Variants in RTTN observed in about 807,000 individuals in gnomAD.
The protein encoded by RTTN is rotatin.
A neutral mutation model predicts 269.2 loss-of-function variants in RTTN; 182 were observed. The observed-to-expected ratio is 0.68, with a 90% CI of 0.60 to 0.76. The LOEUF is 0.76. Ranked by LOEUF, RTTN falls within the 30% of genes least tolerant of loss-of-function variation. The pLI is 0.00. For missense variants in RTTN, 2,545 were observed against 2,608.6 expected (o/e 0.98, Z 0.53); for synonymous variants, 1,006 against 963.5 (o/e 1.04, Z -0.82).
intron 11 of RTTN, among the ~76,000 whole-genome samples, chr18:70,171,813 G>C (rs978662893): frequency 6.6e-6 from 1 of 152,174 alleles, no homozygotes; most frequent in Non-Finnish European, 1.5e-5. Flanking sequence ...CCGGCTCTCA[G>C]GCCCTACCCT....
At chr18:70,107,023 T>A (rs2059338238) in intron 28 of RTTN, among the ~76,000 whole-genome samples, 1 of 152,184 alleles carries the variant, frequency 6.6e-6, no homozygotes, top group African/African-American at 2.4e-5. Context: ...ATTACCTACA[T>A]AAACAGCAAA....
chr18:70,092,960 A>G (rs568538035), intron 28 of RTTN, among the ~76,000 whole-genome samples, 156 bp from the exon 29 acceptor site: 1 of 152,324 alleles, frequency 6.6e-6, no homozygotes, highest in African/African-American at 2.4e-5. Flanking sequence ...TAAGATGGTA[A>G]ATTTTATGTT....
At chr18:70,187,684 C>A (rs1256954502) in intron 10 of RTTN, among the ~76,000 whole-genome samples, 1 of 152,160 alleles carries the variant, frequency 6.6e-6, no homozygotes, top group Non-Finnish European at 1.5e-5. Flanking sequence ...TGTTCTGAAA[C>A]TATCTTATGT....
In RTTN at chr18:70,020,754, G is replaced by C; in HGVS notation, c.6014C>G (p.Ala2005Gly). ...ACACAGCATCAGAGAGTTGCTCACG[G>C]CTCCTCTATGTGTAGCTTGAACAGG... is the stretch of plus-strand genomic sequence containing the variant. ...QHPVQATHRG[A>G]VSNSLMLCIL... is the part of the protein sequence containing the mutation. The change falls in exon 45 of 49, where the codon GCC becomes GGC. Residue 2005 changes from alanine (A) to glycine (G), a missense_variant. Ala to Gly is a moderately conservative substitution (Grantham distance 60). Coordinates refer to ENST00000640769, the MANE Select transcript of RTTN (RefSeq NM_173630.4). 6.2e-7 allele frequency: 1 copy of C among 1,614,044 alleles called. No homozygotes were observed. Among genetic ancestry groups the C allele is most frequent in the Non-Finnish European group, 8.5e-7 (1 of 1,179,934 alleles).
chr18:70,085,613 C>G (rs1197859091), intron 32 of RTTN, among the ~76,000 whole-genome samples: 10 of 152,118 alleles, frequency 6.6e-5, no homozygotes, highest in Admixed American at 6.5e-4. Flanking sequence ...AGGACAGAAA[C>G]AGCACATCTT....
chr18:70,014,113 T>C (rs2056472772), intron 46 of RTTN, among the ~76,000 whole-genome samples: 1 of 152,218 alleles, frequency 6.6e-6, no homozygotes. Context: ...AATATTTATA[T>C]CTTGCTATTT....
At chr18:70,152,100 C>T (rs1031286761) in intron 14 of RTTN, among the ~76,000 whole-genome samples, 2 of 152,228 alleles carry the variant, frequency 1.3e-5, no homozygotes, top group African/African-American at 4.8e-5. Flanking sequence ...TCTGTCTCCA[C>T]TTCTGGCTCC....
At position 70,083,905 on chromosome 18, in the gene RTTN, CTTT is replaced by C. The variant is rs5825988; in HGVS notation, c.4374+2705_4374+2707del. On this transcript the variant is annotated intron_variant, in intron 32 of 48. Coordinates refer to ENST00000640769, the MANE Select transcript of RTTN (RefSeq NM_173630.4). ...CCTGGACAACACAGTGAGACCCCAT[CTTT>C]TTTTTTTTTTAAGTACATACAGAAA... Among the ~76,000 whole-genome samples the C allele has an allele frequency of 1.4e-5, 2 of 145,340 alleles. 1 individual carries two copies. Among genetic ancestry groups the C allele is most frequent in the African/African-American group, 5.0e-5 (2 of 39,774 alleles).
Position 70,048,064 on chromosome 18 carries a change from T to C in RTTN, c.5448A>G (p.Thr1816=), listed in dbSNP as rs1410641290. ...AKGHLQAKSK[T]HLCCSPTVAS... is the part of the protein sequence containing the mutation. The stretch of plus-strand genomic sequence containing the variant: ...CCACTGTTGGACTACAGCATAAATG[T>C]GTTTTGCTCTTAGCCTGGAGATGCC... Residue 1816 remains threonine (T), a synonymous_variant, in exon 40 of 49, where the codon ACA becomes ACG. Coordinates refer to ENST00000640769, the MANE Select transcript of RTTN (RefSeq NM_173630.4). 1.2e-6 allele frequency: 2 copies of C among 1,614,032 alleles called. No individual in the cohort carries two copies. Among genetic ancestry groups the C allele is most frequent in the East Asian group, 2.2e-5 (1 of 44,892 alleles).
chr18:70,036,098 G>A (rs1016623746), intron 40 of RTTN, among the ~76,000 whole-genome samples: 1 of 152,176 alleles, frequency 6.6e-6, no homozygotes, highest in African/African-American at 2.4e-5. Flanking sequence ...TACACAGTGG[G>A]AGTGCAAATT....
At position 70,199,472 on chromosome 18, in the gene RTTN, T is replaced by C. The variant is rs1390159576; in HGVS notation, c.520A>G (p.Thr174Ala). The change falls in exon 5 of 49, where the codon ACA (threonine) becomes GCA (alanine). Residue 174 changes from threonine (T) to alanine (A), a missense_variant. Coordinates refer to ENST00000640769, the MANE Select transcript of RTTN (RefSeq NM_173630.4). ...NQTVKCLKFS[T>A]FPWLPLTTTD... ...GTGGTCAGGGGTAGCCAAGGAAATG[T>C]AGAAAACTTCAAGCACTTCACAGTC... is the stretch of plus-strand genomic sequence containing the variant. 1.2e-6 allele frequency: 2 copies of C among 1,613,148 alleles called. No individual in the cohort carries two copies. Among genetic ancestry groups the C allele is most frequent in the South Asian group, 1.1e-5 (1 of 91,070 alleles).
chr18:70,192,831 A>G (rs1487779574), intron 8 of RTTN, among the ~76,000 whole-genome samples: 1 of 152,216 alleles, frequency 6.6e-6, no homozygotes, highest in Non-Finnish European at 1.5e-5. Flanking sequence ...TATGTGTAAA[A>G]TACTATCAAC....
intron 27 of RTTN, among the ~76,000 whole-genome samples, 157 bp downstream of exon 27, chr18:70,114,288 G>A (rs1023627636): frequency 5.9e-5 from 9 of 152,056 alleles, no homozygotes; most frequent in African/African-American, 1.7e-4. Context: ...AGATTAAACT[G>A]AAACAAAAAC....
chr18:70,150,644 T>A lies in RTTN; in HGVS notation c.2019A>T (p.Glu673Asp). The stretch of plus-strand genomic sequence containing the variant: ...GCTCTTGAATGCCAAATACAGAGAT[T>A]TCATACAGAACTTTTGGATGAAGTA... ...HFLLHPKVLY[E>D]ISVFGIQEPE... Residue 673 changes from glutamate (E) to aspartate (D), a missense_variant, in exon 15 of 49, where the codon GAA becomes GAT. Coordinates refer to ENST00000640769, the MANE Select transcript of RTTN (RefSeq NM_173630.4). The A allele has an allele frequency of 9.9e-6, 16 of 1,612,626 alleles. No individual in the cohort carries two copies. Among genetic ancestry groups the A allele is most frequent in the Non-Finnish European group, 1.4e-5 (16 of 1,178,970 alleles).
At chr18:70,006,302 G>T in intron 47 of RTTN, 79 bp downstream of exon 47, 1 of 946,064 alleles carries the variant, frequency 1.1e-6, no homozygotes, top group South Asian at 1.4e-5. Context: ...TGACACCTTT[G>T]GATGTATCCT....
intron 26 of RTTN, among the ~76,000 whole-genome samples, chr18:70,116,848 T>A (rs1042235864): frequency 6.6e-6 from 1 of 152,022 alleles, no homozygotes; most frequent in African/African-American, 2.4e-5. Context: ...ATATATATGC[T>A]GTGTAGTTCT....
intron 31 of RTTN, among the ~76,000 whole-genome samples, chr18:70,087,225 TTGTC>T (rs2058725200): frequency 6.6e-6 from 1 of 152,204 alleles, no homozygotes; most frequent in Admixed American, 6.5e-5. Flanking sequence ...GGAGCATTGA[TTGTC>T]TGCTTAATGA....
At chr18:70,073,827 A>C (rs2058359048) in intron 34 of RTTN, 79 bp downstream of exon 34, 1 of 962,668 alleles carries the variant, frequency 1.0e-6, no homozygotes, top group Non-Finnish European at 1.7e-6. Flanking sequence ...TACACTTTGT[A>C]TTCTTAACTC....
chr18:70,186,085 A>G (rs539173903), intron 10 of RTTN, among the ~76,000 whole-genome samples: 1 of 152,032 alleles, frequency 6.6e-6, no homozygotes, highest in Non-Finnish European at 1.5e-5. Flanking sequence ...CCCCCCAAAA[A>G]AAAAAAAAAA....
Sources: gnomAD v4.1 joint callset for allele counts (sites outside exome capture counted in the v4.1 genomes callset) on GRCh38, gnomAD v4.1.1 for gene constraint, MANE v1.5 for transcripts, NCBI Gene and HGNC (gene_info 2026-07-23, HGNC 2026-07-21) for gene names.